ACAN: variants seen among roughly 807,000 people sequenced by gnomAD.
ACAN encodes aggrecan.
Under a neutral mutation model 169.1 loss-of-function variants are expected in ACAN, and 47 were observed. The ratio of observed to expected loss-of-function variants is 0.28; its 90% CI spans 0.22 to 0.35. ACAN has a LOEUF of 0.35. Among genes scored for constraint, ACAN ranks in the 10% least tolerant of loss-of-function variants. The pLI is 1.00. For synonymous variants in ACAN, 1,115 were observed against 1,112.2 expected (o/e 1.00, Z -0.05); for missense variants, 2,716 against 2,759.9 (o/e 0.98, Z 0.36).
At chr15:88,840,946 C>T (rs572315963) in intron 4 of ACAN, among the ~76,000 whole-genome samples, 36 of 152,234 alleles carry the variant, frequency 2.4e-4, no homozygotes, top group Middle Eastern at 3.4e-3. Context: ...AGATCGAGAC[C>T]ATCCTAGCTA....
At position 88,803,780 on chromosome 15, in the gene ACAN, T is replaced by C. The variant is rs1895600050; in HGVS notation, c.-37T>C. The C allele has an allele frequency of 6.6e-6, 1 of 152,084 alleles. No homozygotes were observed. The highest frequency in any genetic ancestry group is 2.4e-5 in the African/African-American group (1 of 41,408). 9.4% of individuals were successfully genotyped at this position (152,084 alleles called of 1,614,324 possible). On this transcript the variant is annotated 5_prime_UTR_variant, in exon 1 of 19. Coordinates refer to ENST00000560601, the MANE Select transcript of ACAN (RefSeq NM_001369268.1). ...CCTCGCCAGGTGTGTGGGACTGAAG[T>C]TCTTGGAGAAGGGAGTCCAACTCTT...
chr15:88,810,698 C>G (rs1244147008), intron 1 of ACAN, among the ~76,000 whole-genome samples: 1 of 152,162 alleles, frequency 6.6e-6, no homozygotes, highest in African/African-American at 2.4e-5. Flanking sequence ...TAGAGTTAGC[C>G]TTCAGTCCCT....
chr15:88,867,363 C>T (rs547616367), intron 13 of ACAN, among the ~76,000 whole-genome samples: 1 of 152,334 alleles, frequency 6.6e-6, no homozygotes, highest in East Asian at 1.9e-4. Flanking sequence ...GTATCCCAGA[C>T]TGGTGCCAGT....
At chr15:88,815,114 A>G (rs1332239419) in intron 1 of ACAN, among the ~76,000 whole-genome samples, 1 of 151,984 alleles carries the variant, frequency 6.6e-6, no homozygotes, top group Non-Finnish European at 1.5e-5. Context: ...CCTTAATAAA[A>G]GGGAGGATCT....
intron 1 of ACAN, among the ~76,000 whole-genome samples, chr15:88,834,612 G>A (rs577486637): frequency 6.6e-6 from 1 of 152,202 alleles, no homozygotes; most frequent in African/African-American, 2.4e-5. Context: ...TCCTCCATCC[G>A]CTCCAAGGTT....
chr15:88,804,040 G>A (rs1450366304), intron 1 of ACAN, among the ~76,000 whole-genome samples: 1 of 152,186 alleles, frequency 6.6e-6, no homozygotes, highest in African/African-American at 2.4e-5. Flanking sequence ...CGTGAGGAGG[G>A]GCACTTGTCT....
Position 88,858,391 on chromosome 15 carries a change from C to T in ACAN, c.5806C>T (p.Leu1936Phe). 6.2e-7 allele frequency: 1 copy of T among 1,613,824 alleles called. No individual in the cohort carries two copies. The highest frequency in any genetic ancestry group is 8.5e-7 in the Non-Finnish European group (1 of 1,179,884). ...TCCATCTAGTTTCCCCACTGTCTCT[C>T]TTGTAGACAGAACTTTGGTGGAATC... is the stretch of plus-strand genomic sequence containing the variant. ...GTPSSFPTVS[L>F]VDRTLVESVT... is the part of the protein sequence containing the mutation. Residue 1936 changes from leucine (L) to phenylalanine (F), a missense_variant, in exon 12 of 19, where the codon CTT becomes TTT. By Grantham distance (22) the Leu-to-Phe change is conservative. Coordinates refer to ENST00000560601, the MANE Select transcript of ACAN (RefSeq NM_001369268.1). This position sits in a 1 kb window ranked among gnomAD's most constrained non-coding sequence, Gnocchi z 4.0.
In ACAN at chr15:88,857,266, G is replaced by A; in HGVS notation, c.4681G>A (p.Glu1561Lys). The change falls in exon 12 of 19, where the codon GAA becomes AAA. Residue 1561 changes from glutamate to lysine, a missense_variant. Glu to Lys is a moderately conservative substitution (Grantham distance 56). This residue lies in a region of ACAN where 1,389 missense variants were observed against 1,363.7 expected (regional missense o/e 1.02). Transcript: ENST00000560601. ...AGAAGGTCTAGAGACCTCTGCTTCT[G>A]AAGTAGGGACTGACCTCAGTGGGCT... Reference protein sequence around the residue: ...GGEGLETSASEVGTDLSGLPS... With the variant: ...GGEGLETSASKVGTDLSGLPS... 1 of 1,613,724 alleles carries A rather than the reference G, an allele frequency of 6.2e-7. No individual in the cohort carries two copies. The highest frequency in any genetic ancestry group is 8.5e-7 in the Non-Finnish European group (1 of 1,179,834).
rs1405594380 is a variant in ACAN at position 88,849,880 on chromosome 15, C to T, written c.2026+149C>T. The T allele has an allele frequency of 8.6e-7, 1 of 1,163,406 alleles. No individual in the cohort carries two copies. Among genetic ancestry groups the T allele is most frequent in the Non-Finnish European group, 1.2e-6 (1 of 803,266 alleles). The allele number at this position is 1,163,406 out of a possible 1,614,324, so 72.1% of individuals were successfully genotyped here. A position where few individuals can be genotyped will look rare whatever the true frequency, so the allele number is the denominator to read the frequency against. On this transcript the variant is annotated intron_variant, in intron 10 of 18. Transcript: ENST00000560601. The surrounding 1 kb of genome is among the most constrained non-coding windows in gnomAD (Gnocchi z 5.1). ...GGCAGAGCCAGCTCTGAAACCAGCACAACGCAGGCTTTGACCCCAAGGCAA... is the reference window on the plus strand; with the variant it reads ...GGCAGAGCCAGCTCTGAAACCAGCATAACGCAGGCTTTGACCCCAAGGCAA...
In ACAN at chr15:88,845,665, C is replaced by A; in HGVS notation, c.1212C>A (p.Ile404=). The A allele has an allele frequency of 6.2e-7, 1 of 1,614,044 alleles. No homozygotes were observed. The highest frequency in any genetic ancestry group is 8.5e-7 in the Non-Finnish European group (1 of 1,179,890). The change falls in exon 7 of 19, where the codon ATC becomes ATA. Residue 404 remains isoleucine, a synonymous_variant. Coordinates refer to ENST00000560601, the MANE Select transcript of ACAN (RefSeq NM_001369268.1). ...RGSVILTVKP[I]FEVSPSPLEP... is the part of the protein sequence containing the mutation. ...GCGTGATCCTTACCGTAAAGCCCAT[C>A]TTCGAGGTCTCCCCCAGTCCCCTGG...
intron 4 of ACAN, 120 bp downstream of exon 4, chr15:88,840,306 C>A: frequency 1.6e-6 from 2 of 1,288,456 alleles, no homozygotes; most frequent in Non-Finnish European, 2.1e-6. Flanking sequence ...CTGTGGCCAG[C>A]CTAGGTTAGA....
chr15:88,851,705 G>T lies in ACAN; in HGVS notation c.2027-89G>T. 6.9e-7 allele frequency: 1 copy of T among 1,452,264 alleles called. No homozygotes were observed. The highest frequency in any genetic ancestry group is 9.1e-7 in the Non-Finnish European group (1 of 1,096,534). The allele number at this position is 1,452,264 out of a possible 1,614,324, so 90.0% of individuals were successfully genotyped here. A position where few individuals can be genotyped will look rare whatever the true frequency, so the allele number is the denominator to read the frequency against. ...TAGGAGGTGGGGCCTGGCCACCTCA[G>T]AGTCCCCTAGCTCCCCTCAAGAAGG... On this transcript the variant is annotated intron_variant, in intron 10 of 18. Coordinates refer to ENST00000560601, the MANE Select transcript of ACAN (RefSeq NM_001369268.1). This position sits in a 1 kb window ranked among gnomAD's most constrained non-coding sequence, Gnocchi z 4.3.
rs898378290 is a variant in ACAN at position 88,874,548 on chromosome 15, C to T, written c.*67C>T. The stretch of plus-strand genomic sequence containing the variant: ...CCTGCCAGGCTGACGTGCATCCCAC[C>T]CAGACGGTGTCCTCTTCTTGTCGCT... On this transcript the variant is annotated 3_prime_UTR_variant, in exon 19 of 19. Coordinates refer to ENST00000560601, the MANE Select transcript of ACAN (RefSeq NM_001369268.1). The surrounding 1 kb of genome is among the most constrained non-coding windows in gnomAD (Gnocchi z 7.3). 7 of 1,372,680 alleles carry T rather than the reference C, an allele frequency of 5.1e-6. No individual in the cohort carries two copies. The highest frequency in any genetic ancestry group is 6.1e-6 in the Non-Finnish European group (6 of 982,726). The allele number at this position is 1,372,680 out of a possible 1,614,324, so 85.0% of individuals were successfully genotyped here. A position where few individuals can be genotyped will look rare whatever the true frequency, so the allele number is the denominator to read the frequency against.
At position 88,870,122 on chromosome 15, in the gene ACAN, G is replaced by A. The variant is rs989690612; in HGVS notation, c.7061-1260G>A. ...TAGCTGAGGCACCAGAGGCCTCCAC[G>A]GCCCCTCCTACAGCTCTGTTCTTTC... On this transcript the variant is annotated intron_variant, in intron 14 of 18. Coordinates refer to ENST00000560601, the MANE Select transcript of ACAN (RefSeq NM_001369268.1). This position sits in a 1 kb window ranked among gnomAD's most constrained non-coding sequence, Gnocchi z 6.3. Among the ~76,000 whole-genome samples, 4 of 152,096 alleles carry A rather than the reference G, an allele frequency of 2.6e-5. No homozygotes were observed. The highest frequency in any genetic ancestry group is 1.3e-4 in the Admixed American group (2 of 15,262).
At chr15:88,821,921 A>G (rs1567167204) in intron 1 of ACAN, among the ~76,000 whole-genome samples, 1 of 152,222 alleles carries the variant, frequency 6.6e-6, no homozygotes, top group Non-Finnish European at 1.5e-5. Flanking sequence ...CAAAGGGAAG[A>G]GGCACAAAGG....
At chr15:88,847,190 G>C in intron 7 of ACAN, 53 bp from the exon 8 acceptor site, 1 of 1,480,058 alleles carries the variant, frequency 6.8e-7, no homozygotes, top group South Asian at 1.3e-5. Flanking sequence ...TGGAGCCTTG[G>C]AAGCTGCACA....
Position 88,874,453 on chromosome 15 carries a change from G to C in ACAN, c.7679G>C (p.Arg2560Pro). Residue 2560 changes from arginine (R) to proline (P), a missense_variant, in exon 19 of 19, where the codon CGG becomes CCG. Physicochemically the swap from Arg to Pro is moderately radical, Grantham distance 103 (BLOSUM62 -2). Coordinates refer to ENST00000560601, the MANE Select transcript of ACAN (RefSeq NM_001369268.1). This position sits in a 1 kb window ranked among gnomAD's most constrained non-coding sequence, Gnocchi z 7.3. ...CAGAAGCGGAGCTCACGGCACCCTC[G>C]GAGGAGCCGCCCCAGCACAGCCCAC... is the stretch of plus-strand genomic sequence containing the variant. The part of the protein sequence containing the change: ...RLQKRSSRHP[R>P]RSRPSTAH 6.2e-7 allele frequency: 1 copy of C among 1,606,498 alleles called. No individual in the cohort carries two copies. Among genetic ancestry groups the C allele is most frequent in the African/African-American group, 1.3e-5 (1 of 74,866 alleles).
At position 88,857,011 on chromosome 15, in the gene ACAN, G is replaced by T. The variant is rs1897065904; in HGVS notation, c.4426G>T (p.Val1476Phe). The change falls in exon 12 of 19, where the codon GTT (valine) becomes TTT (phenylalanine). Residue 1476 changes from valine to phenylalanine, a missense_variant. Coordinates refer to ENST00000560601, the MANE Select transcript of ACAN (RefSeq NM_001369268.1). ...CAGTGGACTTCCTTCTGGAGGAGAA[G>T]TTCTAGAGATTTCTGTCTCTGGAGT... ...DLSGLPSGGEVLEISVSGVED... is the reference protein window; with the variant it reads ...DLSGLPSGGEFLEISVSGVED... 6 of 1,613,494 alleles carry T rather than the reference G, an allele frequency of 3.7e-6. No homozygotes were observed. The East Asian group carries it at 1.3e-4, about 36-fold the overall frequency.
chr15:88,831,004 T>C (rs1896347136), intron 1 of ACAN, among the ~76,000 whole-genome samples: 1 of 152,054 alleles, frequency 6.6e-6, no homozygotes, highest in Non-Finnish European at 1.5e-5. Flanking sequence ...TGTAGTTACG[T>C]CCAGTAGTAT....
Sources: gnomAD v4.1 joint callset for allele counts (sites outside exome capture counted in the v4.1 genomes callset) on GRCh38, gnomAD v4.1.1 for gene constraint, gnomAD v4.1.1 regional missense constraint, Gnocchi (gnomAD v3.1) non-coding constraint, MANE v1.5 for transcripts, NCBI Gene and HGNC (gene_info 2026-07-23, HGNC 2026-07-21) for gene names.